The following PRKN variants were observed in gnomAD, a reference collection of about 807,000 sequenced individuals.
PRKN encodes the protein E3 ubiquitin-protein ligase parkin.
In PRKN, 56 loss-of-function variants were observed where a neutral mutation model predicts 59.5. That is an observed-to-expected ratio of 0.94 (90% CI 0.76 to 1.18). The LOEUF is 1.18. Among genes scored for constraint, PRKN ranks in the 50% most tolerant of loss-of-function variants. The probability of loss-of-function intolerance (pLI) is 0.00; values close to 1 mark genes in which losing one functional copy is unlikely to be tolerated. For synonymous variants in PRKN, 250 were observed against 222.1 expected, an observed-to-expected ratio of 1.13 and a Z score of -1.12; for missense variants, 657 against 596.4, an observed-to-expected ratio of 1.10 and a Z score of -1.06.
At chr6:162,575,900 A>C (rs1337199022) in intron 1 of PRKN, among the ~76,000 whole-genome samples, 2 of 152,158 alleles carry the variant, frequency 1.3e-5, no homozygotes, top group East Asian at 3.9e-4. Flanking sequence ...CTCTTGCAAC[A>C]GTCCCCCAGC....
In PRKN at chr6:162,488,565, TGAA is replaced by T. The variant is rs1227920954; in HGVS notation, c.8-45095_8-45093del. 3.9e-5 allele frequency among the ~76,000 whole-genome samples: 6 copies of T among 152,296 alleles called. No homozygotes were observed. In the South Asian group the frequency reaches 8.3e-4, roughly 21 times the overall value. ...CCTCAGAGGCTATCCAGCATGATAATGAAGAACACAGGTGGTGGGGTCAGACAG... is the reference window on the plus strand; with the variant it reads ...CCTCAGAGGCTATCCAGCATGATAATGAACACAGGTGGTGGGGTCAGACAG... On this transcript the variant is annotated intron_variant, in intron 1 of 11. Transcript: ENST00000366898.
At chr6:162,308,088 C>T (rs112193178) in intron 2 of PRKN, among the ~76,000 whole-genome samples, 5,779 of 152,232 alleles carry the variant, frequency 0.038, 352 homozygotes, top group African/African-American at 0.13. Flanking sequence ...GTGACAGGCA[C>T]GTGGCCTTCT....
intron 2 of PRKN, among the ~76,000 whole-genome samples, chr6:162,355,248 A>G (rs1367400111): frequency 6.6e-6 from 1 of 151,078 alleles, no homozygotes; most frequent in Non-Finnish European, 1.5e-5. Flanking sequence ...GATCTAAAAC[A>G]TAATTATGTT....
chr6:162,649,762 G>T (rs1362553039), intron 1 of PRKN, among the ~76,000 whole-genome samples: 1 of 152,084 alleles, frequency 6.6e-6, no homozygotes, highest in African/African-American at 2.4e-5. Context: ...TATACAGAAA[G>T]AACTGGAACC....
At chr6:161,716,221 A>C (rs1352724142) in intron 7 of PRKN, 1 of 610,440 alleles carries the variant, frequency 1.6e-6, no homozygotes, top group African/African-American at 1.9e-5. Context: ...TTGCTGTTGG[A>C]GTAATATTCT....
At chr6:162,436,639 T>C (rs1789785716) in intron 2 of PRKN, among the ~76,000 whole-genome samples, 1 of 129,126 alleles carries the variant, frequency 7.7e-6, no homozygotes, top group African/African-American at 3.4e-5. Flanking sequence ...AATTATAATG[T>C]ATGACTAACA....
chr6:161,589,561 T>C (rs1781640675), intron 7 of PRKN, among the ~76,000 whole-genome samples: 1 of 152,072 alleles, frequency 6.6e-6, no homozygotes, highest in African/African-American at 2.4e-5. Context: ...TTCAAAAGTT[T>C]CGACATGTAA....
Position 162,171,096 on chromosome 6 carries a change from G to A in PRKN, c.534+30035C>T, listed in dbSNP as rs73592378. ...GATGTCAGAACCACTGGGATACTGC[G>A]GTTGAATAGACACCATTGCCTCTTG... On this transcript the variant is annotated intron_variant, in intron 4 of 11. Transcript: ENST00000366898. Among the ~76,000 whole-genome samples the A allele has an allele frequency of 8.2e-3, 1,246 of 151,966 alleles. 18 individuals carry two copies. The highest frequency in any genetic ancestry group is 0.029 in the African/African-American group (1,194 of 41,434).
intron 2 of PRKN, among the ~76,000 whole-genome samples, chr6:162,360,177 G>A (rs150200375): frequency 2.0e-4 from 30 of 151,938 alleles, no homozygotes; most frequent in Non-Finnish European, 3.7e-4. Context: ...CTGTCTTATC[G>A]CACCCCTTTA....
chr6:162,349,790 CAG>C (rs1784550621), intron 2 of PRKN, among the ~76,000 whole-genome samples: 1 of 152,138 alleles, frequency 6.6e-6, no homozygotes, highest in Non-Finnish European at 1.5e-5. Flanking sequence ...AGGAGGAACA[CAG>C]TGAGGATGTC....
intron 7 of PRKN, among the ~76,000 whole-genome samples, chr6:161,696,151 C>T (rs939685929): frequency 6.6e-6 from 1 of 152,112 alleles, no homozygotes; most frequent in Admixed American, 6.5e-5. Context: ...AGTCAGATGA[C>T]AATCAGTAGA....
chr6:162,110,522 C>T (rs1461892884), intron 4 of PRKN, among the ~76,000 whole-genome samples: 2 of 152,112 alleles, frequency 1.3e-5, no homozygotes, highest in African/African-American at 4.8e-5. Context: ...TGTAAACAAA[C>T]AATATAATTA....
At chr6:162,217,751 T>G (rs572235969) in intron 3 of PRKN, among the ~76,000 whole-genome samples, 5 of 152,354 alleles carry the variant, frequency 3.3e-5, no homozygotes, top group African/African-American at 1.2e-4. Context: ...AAGATTCTAC[T>G]GAGAAGCACA....
In PRKN at chr6:161,621,505, T is replaced by A. The variant is rs6937859; in HGVS notation, c.872-52089A>T. Among the ~76,000 whole-genome samples, 301 of 152,086 alleles carry A rather than the reference T, an allele frequency of 2.0e-3. 2 individuals carry two copies. The highest frequency in any genetic ancestry group is 6.9e-3 in the African/African-American group (288 of 41,502). ...CCCAGCTCCAGTAAAGAGAAACTAA[T>A]TTGTTTTCCTTTGTTTTTCCTCTAT... On this transcript the variant is annotated intron_variant, in intron 7 of 11. Coordinates refer to ENST00000366898, the MANE Select transcript of PRKN (RefSeq NM_004562.3).
intron 6 of PRKN, among the ~76,000 whole-genome samples, chr6:161,910,396 A>C (rs191912806): frequency 3.3e-5 from 5 of 152,146 alleles, no homozygotes; most frequent in Admixed American, 6.5e-5. Flanking sequence ...CTGGGATTAC[A>C]GGCACCTGCT....
At chr6:162,376,557 C>A (rs1377608453) in intron 2 of PRKN, among the ~76,000 whole-genome samples, 2 of 151,092 alleles carry the variant, frequency 1.3e-5, no homozygotes, top group Admixed American at 1.3e-4. Context: ...GAGAGGCAGC[C>A]TACAAATGAA....
chr6:161,473,100 T>TA lies in PRKN; in HGVS notation c.1083+75753dup, dbSNP rs200351532. 9.7e-3 allele frequency among the ~76,000 whole-genome samples: 1,480 copies of TA among 152,086 alleles called. 20 individuals are homozygous for TA. The highest frequency in any genetic ancestry group is 0.024 in the Middle Eastern group (7 of 294). On this transcript the variant is annotated intron_variant, in intron 9 of 11. Coordinates refer to ENST00000366898, the MANE Select transcript of PRKN (RefSeq NM_004562.3). This position sits in a 1 kb window ranked among gnomAD's most constrained non-coding sequence, Gnocchi z 4.1. ...AACAGTACGAAGGTTCCTTAAAAAATAAAAAAATAGAACTATAGCACCATA... is the reference window on the plus strand; with the variant it reads ...AACAGTACGAAGGTTCCTTAAAAAATAAAAAAAATAGAACTATAGCACCATA...
intron 2 of PRKN, among the ~76,000 whole-genome samples, chr6:162,419,094 G>C (rs1034941921): frequency 7.2e-5 from 11 of 151,928 alleles, no homozygotes; most frequent in African/African-American, 2.7e-4. Flanking sequence ...AGGGGTGTTG[G>C]TAAGAAGATC....
intron 10 of PRKN, among the ~76,000 whole-genome samples, chr6:161,375,873 A>G (rs1785677161): frequency 6.6e-6 from 1 of 152,214 alleles, no homozygotes. Context: ...TCCCATCTGC[A>G]CATCCACTTA....
Sources: gnomAD v4.1 joint callset for allele counts (sites outside exome capture counted in the v4.1 genomes callset) on GRCh38, gnomAD v4.1.1 for gene constraint, Gnocchi (gnomAD v3.1) non-coding constraint, MANE v1.5 for transcripts, NCBI Gene and HGNC (gene_info 2026-07-23, HGNC 2026-07-21) for gene names.